CARF: variants seen among roughly 807,000 people sequenced by gnomAD.
CARF encodes calcium responsive transcription factor.
A neutral mutation model predicts 82.0 loss-of-function variants in CARF; 57 were observed. That is an observed-to-expected ratio of 0.70 (90% CI 0.56 to 0.87). The LOEUF is 0.87. CARF is among the 40% of genes least tolerant of loss of function. The pLI, the probability that CARF is intolerant of heterozygous loss-of-function variation, is 0.00. For synonymous variants in CARF, 268 were observed against 290.1 expected, an observed-to-expected ratio of 0.92 and a Z score of 0.77; for missense variants, 771 against 855.8, an observed-to-expected ratio of 0.90 and a Z score of 1.24.
rs2060487582 is a variant in CARF at position 202,987,625 on chromosome 2, GAATTCTTA to G, written c.*4004_*4011del. On this transcript the variant is annotated 3_prime_UTR_variant, in exon 17 of 17. Transcript: ENST00000438828. ...ATAATACAAGTATTCATTGCTGACT[GAATTCTTA>G]AAACTTTGGGAATAGAAAAAACACA... Among the ~76,000 whole-genome samples the G allele has an allele frequency of 6.6e-6, 1 of 152,056 alleles. No homozygotes were observed. Among genetic ancestry groups the G allele is most frequent in the African/African-American group, 2.4e-5 (1 of 41,426 alleles).
chr2:202,954,484 G>A (rs1189662417), intron 7 of CARF, among the ~76,000 whole-genome samples: 2 of 152,088 alleles, frequency 1.3e-5, no homozygotes, highest in Non-Finnish European at 2.9e-5. Context: ...GGAGGACAAG[G>A]CAGGTAGATC....
chr2:202,913,917 T>C (rs1417756878), intron 1 of CARF, among the ~76,000 whole-genome samples: 2 of 152,250 alleles, frequency 1.3e-5, no homozygotes, highest in African/African-American at 2.4e-5. Context: ...TATAAGACTT[T>C]CAGTTTGCAA....
chr2:202,958,670 G>A (rs959096282), intron 8 of CARF, among the ~76,000 whole-genome samples: 2 of 152,048 alleles, frequency 1.3e-5, no homozygotes, highest in South Asian at 4.1e-4. Flanking sequence ...ACTTTAGGAG[G>A]TTGAGGCGGG....
chr2:202,949,516 TTTATTATTATTATTA>T (rs201031888), intron 5 of CARF, among the ~76,000 whole-genome samples: 125 of 91,656 alleles, frequency 1.4e-3, no homozygotes, highest in African/African-American at 3.6e-3. Flanking sequence ...TTGTTATTTA[TTTATTATTATTATTA>T]TTATTATTAT....
rs2060470140 is a variant in CARF at position 202,986,906 on chromosome 2, A to ATACATATATATATATATATACG, written c.*3284_*3285insCATATATATATATATATACGTA. On this transcript the variant is annotated 3_prime_UTR_variant, in exon 17 of 17. Transcript: ENST00000438828. Reference sequence around the variant, plus strand: ...TATATATATATATATATATATATATATAGCAACTTGATGTATAGTGTCCTT... The same window carrying ATACATATATATATATATATACG: ...TATATATATATATATATATATATATATACATATATATATATATATACGTAGCAACTTGATGTATAGTGTCCTT... 3 of 139,002 alleles carry ATACATATATATATATATATACG rather than the reference A, an allele frequency of 2.2e-5. No homozygotes were observed. Among genetic ancestry groups the ATACATATATATATATATATACG allele is most frequent in the Non-Finnish European group, 4.6e-5 (3 of 64,958 alleles). 8.6% of individuals were successfully genotyped at this position (139,002 alleles called of 1,614,324 possible). A position where few individuals can be genotyped will look rare whatever the true frequency, so the allele number is the denominator to read the frequency against.
chr2:202,927,955 T>G (rs1692175279), intron 3 of CARF, among the ~76,000 whole-genome samples: 2 of 152,056 alleles, frequency 1.3e-5, no homozygotes. Context: ...TACACCACCA[T>G]GCCCAGTTAA....
chr2:202,974,420 A>C lies in CARF; in HGVS notation c.1418A>C (p.Lys473Thr). The change falls in exon 13 of 17, where the codon AAA (lysine) becomes ACA (threonine). Residue 473 changes from lysine to threonine, a missense_variant. By Grantham distance (78) the Lys-to-Thr change is moderately conservative (BLOSUM62 -1). Coordinates refer to ENST00000438828, the MANE Select transcript of CARF (RefSeq NM_024744.17). ...LSFFPTVNDI[K>T]NHIHEVQKSL... Reference sequence around the variant, plus strand: ...TTTTTTCCAACTGTAAATGATATAAAAAATCACATCCATGAGGTACAGAAA... The same window carrying C: ...TTTTTTCCAACTGTAAATGATATAACAAATCACATCCATGAGGTACAGAAA... The C allele has an allele frequency of 1.2e-6, 2 of 1,611,786 alleles. No homozygotes were observed. Among genetic ancestry groups the C allele is most frequent in the South Asian group, 1.1e-5 (1 of 90,418 alleles).
rs2060353740 is a variant in CARF at position 202,983,665 on chromosome 2, T to C, written c.*41T>C. On this transcript the variant is annotated 3_prime_UTR_variant, in exon 17 of 17. Coordinates refer to ENST00000438828, the MANE Select transcript of CARF (RefSeq NM_024744.17). Reference sequence around the variant, plus strand: ...CAGAATTTACAACTCTGGTGACTTCTGATGTCTTAGAAAGGAAGGTGAATA... The same window carrying C: ...CAGAATTTACAACTCTGGTGACTTCCGATGTCTTAGAAAGGAAGGTGAATA... 8.0e-7 allele frequency: 1 copy of C among 1,254,096 alleles called. No individual in the cohort carries two copies. Among genetic ancestry groups the C allele is most frequent in the African/African-American group, 1.5e-5 (1 of 66,936 alleles). The allele number at this position is 1,254,096 out of a possible 1,614,324, so 77.7% of individuals were successfully genotyped here. A position where few individuals can be genotyped will look rare whatever the true frequency, so the allele number is the denominator to read the frequency against.
At chr2:202,982,694 A>T (rs72932560) in intron 16 of CARF, among the ~76,000 whole-genome samples, 1 of 152,042 alleles carries the variant, frequency 6.6e-6, no homozygotes, top group African/African-American at 2.4e-5. Context: ...CCTGTTTTCC[A>T]TGGAAAATCT....
intron 5 of CARF, among the ~76,000 whole-genome samples, chr2:202,951,533 T>G (rs2058753017): frequency 6.6e-6 from 1 of 152,058 alleles, no homozygotes; most frequent in African/African-American, 2.4e-5. Flanking sequence ...GCTTCCAGAC[T>G]TTTTGGAAGT....
chr2:202,930,972 T>TC (rs1487817523), intron 3 of CARF, among the ~76,000 whole-genome samples: 2 of 144,504 alleles, frequency 1.4e-5, no homozygotes, highest in Non-Finnish European at 3.0e-5. Flanking sequence ...TCTTTTCTTT[T>TC]TTTTTTTTTT....
At chr2:202,953,962 T>G in intron 6 of CARF, 43 bp from the exon 7 acceptor site, 1 of 1,551,860 alleles carries the variant, frequency 6.4e-7, no homozygotes, top group Non-Finnish European at 8.7e-7. Context: ...TATGGTCTTA[T>G]TCAAGATATT....
At chr2:202,920,380 C>G (rs189474464) in intron 2 of CARF, among the ~76,000 whole-genome samples, 2 of 152,300 alleles carry the variant, frequency 1.3e-5, no homozygotes, top group South Asian at 4.1e-4. Flanking sequence ...TGGTCTTGAT[C>G]TCCTGACCTT....
chr2:202,924,800 C>A (rs1297335222), intron 3 of CARF: 1 of 179,690 alleles, frequency 5.6e-6, no homozygotes, highest in Non-Finnish European at 1.2e-5. Context: ...TGGAGGGAGG[C>A]TATGCCAGGT....
At chr2:202,926,206 C>G (rs532524914) in intron 3 of CARF, among the ~76,000 whole-genome samples, 1 of 152,244 alleles carries the variant, frequency 6.6e-6, no homozygotes, top group East Asian at 1.9e-4. Flanking sequence ...ACCTGAGGCC[C>G]AATTGTGGAC....
intron 5 of CARF, among the ~76,000 whole-genome samples, chr2:202,952,136 G>A (rs556624382): frequency 1.3e-5 from 2 of 152,072 alleles, no homozygotes; most frequent in Non-Finnish European, 2.9e-5. Flanking sequence ...TGACCAACAT[G>A]TTACCATTTT....
chr2:202,922,216 C>T (rs1424115459), intron 2 of CARF, among the ~76,000 whole-genome samples: 5 of 152,072 alleles, frequency 3.3e-5, no homozygotes, highest in Non-Finnish European at 7.4e-5. Context: ...TGGGCTCAGG[C>T]AATCCCCCCA....
intron 3 of CARF, among the ~76,000 whole-genome samples, chr2:202,936,467 CT>C (rs1420696503): frequency 6.6e-6 from 1 of 152,140 alleles, no homozygotes; most frequent in Non-Finnish European, 1.5e-5. Context: ...CACCAGTCTA[CT>C]TTCTTTCTCT....
chr2:202,927,392 T>A (rs1692052030), intron 3 of CARF, among the ~76,000 whole-genome samples: 1 of 152,162 alleles, frequency 6.6e-6, no homozygotes, highest in African/African-American at 2.4e-5. Flanking sequence ...ATATTGATGA[T>A]ATACAACATG....
Sources: allele counts gnomAD v4.1 joint callset (sites outside exome capture counted in the v4.1 genomes callset), GRCh38; gene constraint gnomAD v4.1.1; transcripts MANE v1.5; gene names NCBI Gene and HGNC (gene_info 2026-07-23, HGNC 2026-07-21).